WASF3: variants seen among roughly 807,000 people sequenced by gnomAD.
WASF3 encodes actin-binding protein WASF3.
WASF3 carries 11 observed loss-of-function variants against 46.6 expected under a neutral mutation model. The ratio of observed to expected loss-of-function variants is 0.24; its 90% CI spans 0.15 to 0.39. The LOEUF (loss-of-function observed/expected upper bound fraction) is 0.39, where lower values mean the gene tolerates loss of function less well. WASF3 is among the 10% of genes least tolerant of loss of function. The pLI is 1.00. For synonymous variants in WASF3, 242 were observed against 259.7 expected (o/e 0.93, Z 0.65); for missense variants, 576 against 669.8 (o/e 0.86, Z 1.55).
chr13:26,556,980 C>T (rs113795831), upstream of WASF3, among the ~76,000 whole-genome samples: 1 of 152,082 alleles, frequency 6.6e-6, no homozygotes, highest in Non-Finnish European at 1.5e-5. Context: ...TCCTTTCCTC[C>T]TTTCTTTTTC....
At chr13:26,585,921 G>T (rs1348150872) in intron 1 of WASF3, among the ~76,000 whole-genome samples, 1 of 152,064 alleles carries the variant, frequency 6.6e-6, no homozygotes, top group Admixed American at 6.6e-5. Flanking sequence ...CATAGGCCTA[G>T]GAAAGAAAGG....
intron 1 of WASF3, among the ~76,000 whole-genome samples, chr13:26,560,315 A>C (rs1293935746): frequency 2.0e-5 from 3 of 152,178 alleles, no homozygotes; most frequent in Non-Finnish European, 2.9e-5. Flanking sequence ...GTAATACATA[A>C]ATGATGTACA....
chr13:26,680,082 G>C (rs1296240877), intron 7 of WASF3: 1 of 1,597,966 alleles, frequency 6.3e-7, no homozygotes, highest in African/African-American at 1.3e-5. Context: ...AAGTAAATGT[G>C]AGAAAAGTCA....
intron 1 of WASF3, among the ~76,000 whole-genome samples, chr13:26,581,721 A>G (rs1484214594): frequency 6.6e-6 from 1 of 152,210 alleles, no homozygotes. Context: ...TTTTTAAAAA[A>G]TTAGCGCCTA....
At chr13:26,600,335 G>A (rs957906392) in intron 1 of WASF3, among the ~76,000 whole-genome samples, 3 of 152,158 alleles carry the variant, frequency 2.0e-5, no homozygotes, top group African/African-American at 7.2e-5. Context: ...GTGACCTGGG[G>A]CAAGCCACTT....
chr13:26,641,824 C>G (rs957381681), intron 2 of WASF3: 4 of 152,154 alleles, frequency 2.6e-5, no homozygotes, highest in African/African-American at 9.7e-5. Context: ...CTCGGAGGGT[C>G]AATTTCTACG....
intron 1 of WASF3, among the ~76,000 whole-genome samples, chr13:26,580,965 C>G (rs1879964321): frequency 6.8e-6 from 1 of 148,092 alleles, no homozygotes; most frequent in African/African-American, 2.5e-5. Context: ...AGGTCACACT[C>G]CTGTCACCCA....
intron 3 of WASF3, among the ~76,000 whole-genome samples, chr13:26,648,101 A>G (rs1458797195): frequency 6.6e-6 from 1 of 152,118 alleles, no homozygotes. Context: ...AAATAATTAC[A>G]TACATCTCTG....
At chr13:26,550,952 C>G in the WASF3 span, among the ~76,000 whole-genome samples, 68 of 152,290 alleles carry the variant, frequency 4.5e-4, 1 homozygote, top group African/African-American at 1.4e-3. Context: ...TGGTTTGGCT[C>G]TATGTCCCCA....
intron 6 of WASF3, among the ~76,000 whole-genome samples, chr13:26,674,801 GA>G (rs778222711): frequency 1.3e-5 from 2 of 152,168 alleles, no homozygotes; most frequent in Non-Finnish European, 2.9e-5. Context: ...AAGAGAATGT[GA>G]ATTTTAAATT....
chr13:26,577,344 T>C lies in WASF3; in HGVS notation c.-109+19525T>C, dbSNP rs1057109781. 76 of 762,178 alleles carry C rather than the reference T, an allele frequency of 1.0e-4. No homozygotes were observed. The Admixed American group carries it at 1.3e-3, about 13-fold the overall frequency. The allele number at this position is 762,178 out of a possible 1,614,324, so 47.2% of individuals were successfully genotyped here. ...TGTAACAATCCGATATGGAAAACCT[T>C]TTATGCTCAGCACCAACAGGTCCGC... is the stretch of plus-strand genomic sequence containing the variant. On this transcript the variant is annotated intron_variant, in intron 1 of 9. Coordinates refer to ENST00000335327, the MANE Select transcript of WASF3 (RefSeq NM_006646.6).
At chr13:26,585,012 C>A (rs1880088837) in intron 1 of WASF3, among the ~76,000 whole-genome samples, 1 of 151,930 alleles carries the variant, frequency 6.6e-6, no homozygotes, top group African/African-American at 2.4e-5. Context: ...GGTGGCAGAT[C>A]CCTGCCTGAC....
At chr13:26,559,777 TTTTTC>T (rs1555246376) in intron 1 of WASF3, among the ~76,000 whole-genome samples, 2 of 138,236 alleles carry the variant, frequency 1.4e-5, no homozygotes, top group African/African-American at 2.6e-5. Flanking sequence ...CTTGAATCTC[TTTTTC>T]TTTTCTTTTC....
At chr13:26,657,407 A>G (rs1358955291) in intron 3 of WASF3, among the ~76,000 whole-genome samples, 3 of 152,244 alleles carry the variant, frequency 2.0e-5, no homozygotes, top group Non-Finnish European at 4.4e-5. Context: ...ACTTCTAAAC[A>G]CATTTGATGT....
At chr13:26,586,375 T>C (rs545634409) in intron 1 of WASF3, among the ~76,000 whole-genome samples, 3 of 152,320 alleles carry the variant, frequency 2.0e-5, no homozygotes, top group South Asian at 4.1e-4. Context: ...CCAGTTGTTA[T>C]AATAGCATTT....
intron 2 of WASF3, among the ~76,000 whole-genome samples, chr13:26,635,128 C>G (rs1438516538): frequency 6.6e-6 from 1 of 152,214 alleles, no homozygotes; most frequent in Non-Finnish European, 1.5e-5. Context: ...GTACACCAGT[C>G]AAACGTAGAT....
chr13:26,653,012 C>G (rs544132373), intron 3 of WASF3, among the ~76,000 whole-genome samples: 1 of 152,286 alleles, frequency 6.6e-6, no homozygotes, highest in South Asian at 2.1e-4. Flanking sequence ...TCGCACCTCC[C>G]CACTCTGCTG....
the WASF3 span, among the ~76,000 whole-genome samples, chr13:26,546,446 A>G: frequency 1.3e-5 from 2 of 152,232 alleles, no homozygotes; most frequent in Non-Finnish European, 2.9e-5. Context: ...TCACGCCTGC[A>G]AATCCCAGTT....
At chr13:26,655,205 G>GACTTTTATGACCTTGAC (rs535974247) in intron 3 of WASF3, among the ~76,000 whole-genome samples, 4 of 152,054 alleles carry the variant, frequency 2.6e-5, no homozygotes, top group Admixed American at 1.3e-4. Flanking sequence ...GTCTTTCTGT[G>GACTTTTATGACCTTGAC]ACTTTTATGA....
Sources: allele counts gnomAD v4.1 joint callset (sites outside exome capture counted in the v4.1 genomes callset), GRCh38; gene constraint gnomAD v4.1.1; transcripts MANE v1.5; gene names NCBI Gene and HGNC (gene_info 2026-07-23, HGNC 2026-07-21).